MYRFL: variants seen among roughly 807,000 people sequenced by gnomAD.
The protein encoded by MYRFL is myelin regulatory factor-like protein.
Under a neutral mutation model 109.4 loss-of-function variants are expected in MYRFL, and 88 were observed. That is an observed-to-expected ratio of 0.80 (90% CI 0.68 to 0.96). MYRFL has a LOEUF of 0.96. MYRFL is among the 40% of genes least tolerant of loss of function. The probability of loss-of-function intolerance (pLI) is 0.00; values close to 1 mark genes in which losing one functional copy is unlikely to be tolerated. For missense variants in MYRFL, 957 were observed against 954.9 expected (o/e 1.00, Z -0.03); for synonymous variants, 324 against 320.9 (o/e 1.01, Z -0.10).
At chr12:69,916,918 C>T (rs1306387303) in intron 13 of MYRFL, among the ~76,000 whole-genome samples, 1 of 152,208 alleles carries the variant, frequency 6.6e-6, no homozygotes, top group African/African-American at 2.4e-5. Flanking sequence ...ACACTTTGCA[C>T]TGAAAACTCC....
intron 11 of MYRFL, among the ~76,000 whole-genome samples, chr12:69,909,714 T>C (rs58855032): frequency 0.012 from 1,828 of 152,284 alleles, 43 homozygotes; most frequent in African/African-American, 0.041. Context: ...CCTTTAATGA[T>C]GTGAGAGCAG....
At position 69,951,168 on chromosome 12, in the gene MYRFL, A is replaced by G. The variant is rs75422259; in HGVS notation, c.2225-945A>G. ...TGGAAAGGAGGGATCTGTGAGCTGC[A>G]GACCTAGTTGGGGATAGTTTCTTAG... is the stretch of plus-strand genomic sequence containing the variant. On this transcript the variant is annotated intron_variant, in intron 19 of 24. Coordinates refer to ENST00000552032, the MANE Select transcript of MYRFL (RefSeq NM_182530.3). 5.9e-5 allele frequency among the ~76,000 whole-genome samples: 9 copies of G among 152,332 alleles called. No individual in the cohort carries two copies. The East Asian group carries it at 1.7e-3, about 29-fold the overall frequency.
intron 1 of MYRFL, among the ~76,000 whole-genome samples, chr12:69,836,878 C>T (rs1216953426): frequency 6.6e-6 from 1 of 152,172 alleles, no homozygotes; most frequent in Non-Finnish European, 1.5e-5. Flanking sequence ...AAACAAAAAT[C>T]TATAGACGGC....
At chr12:69,880,985 T>G (rs1886066844) in intron 5 of MYRFL, among the ~76,000 whole-genome samples, 1 of 135,424 alleles carries the variant, frequency 7.4e-6, no homozygotes, top group African/African-American at 2.8e-5. Context: ...ATATAACGTG[T>G]AACACATCAT....
chr12:69,935,367 T>C (rs958857895), intron 16 of MYRFL, among the ~76,000 whole-genome samples: 1 of 151,834 alleles, frequency 6.6e-6, no homozygotes, highest in Middle Eastern at 3.2e-3. Context: ...ACTTTCTGTG[T>C]GACTTGTGAG....
rs539926491 is a variant in MYRFL, at chr12:69,938,740, G to A, written c.2224+2108G>A. 6.6e-5 allele frequency among the ~76,000 whole-genome samples: 10 copies of A among 152,316 alleles called. No homozygotes were observed. The South Asian group carries it at 1.5e-3, about 22-fold the overall frequency. On this transcript the variant is annotated intron_variant, in intron 19 of 24. Coordinates refer to ENST00000552032, the MANE Select transcript of MYRFL (RefSeq NM_182530.3). ...CCGGTCTACAGCTCCCAGCCTGAGC[G>A]ATGCAGAAGACGGGTGATTTCTGCA...
chr12:69,861,888 C>A (rs1481459932), intron 2 of MYRFL, among the ~76,000 whole-genome samples: 1 of 151,852 alleles, frequency 6.6e-6, no homozygotes, highest in Non-Finnish European at 1.5e-5. Flanking sequence ...TTAGGTCTAA[C>A]ATGTAAGTCT....
Position 69,896,153 on chromosome 12 carries a change from C to A in MYRFL, c.1091+672C>A, listed in dbSNP as rs536855080. Reference sequence around the variant, plus strand: ...ATACTGGCATTTACTAGGCGGGTGACCTTGGGCATATAACTTAACCTCTCT... The same window carrying A: ...ATACTGGCATTTACTAGGCGGGTGAACTTGGGCATATAACTTAACCTCTCT... On this transcript the variant is annotated intron_variant, in intron 9 of 24. Coordinates refer to ENST00000552032, the MANE Select transcript of MYRFL (RefSeq NM_182530.3). 9.9e-5 allele frequency among the ~76,000 whole-genome samples: 15 copies of A among 152,220 alleles called. No homozygotes were observed. In the South Asian group the frequency reaches 2.7e-3, roughly 27 times the overall value.
chr12:69,914,043 T>C (rs1007625763), intron 13 of MYRFL, among the ~76,000 whole-genome samples: 13 of 152,324 alleles, frequency 8.5e-5, no homozygotes, highest in African/African-American at 3.1e-4. Flanking sequence ...ACAAGAGTCT[T>C]ATTCTTTTCG....
chr12:69,930,995 C>T (rs1300641383), intron 15 of MYRFL, among the ~76,000 whole-genome samples: 1 of 152,108 alleles, frequency 6.6e-6, no homozygotes, highest in Non-Finnish European at 1.5e-5. Flanking sequence ...AGCCATTACA[C>T]TGTTCATTGG....
At chr12:69,914,713 C>G (rs1170974337) in intron 13 of MYRFL, among the ~76,000 whole-genome samples, 2 of 152,148 alleles carry the variant, frequency 1.3e-5, no homozygotes, top group African/African-American at 4.8e-5. Flanking sequence ...ACTCAGAGGT[C>G]TGGAGAGGTA....
intron 1 of MYRFL, among the ~76,000 whole-genome samples, chr12:69,846,630 C>G (rs962749671): frequency 1.3e-5 from 2 of 152,138 alleles, no homozygotes; most frequent in African/African-American, 4.8e-5. Flanking sequence ...CAAGTCTTTG[C>G]TATTGCGAAT....
intron 1 of MYRFL, among the ~76,000 whole-genome samples, chr12:69,825,793 T>C (rs1882239372): frequency 6.6e-6 from 1 of 152,110 alleles, no homozygotes; most frequent in South Asian, 2.1e-4. Flanking sequence ...GTTTGGTTGT[T>C]AGAATCAAGG....
At chr12:69,864,231 A>G (rs1884870842) in intron 2 of MYRFL, among the ~76,000 whole-genome samples, 1 of 151,846 alleles carries the variant, frequency 6.6e-6, no homozygotes, top group Non-Finnish European at 1.5e-5. Context: ...TTTAACATTT[A>G]TTTTTCTTTA....
intron 10 of MYRFL, among the ~76,000 whole-genome samples, chr12:69,902,248 T>C (rs946102609): frequency 6.6e-6 from 1 of 152,208 alleles, no homozygotes; most frequent in Non-Finnish European, 1.5e-5. Context: ...TCCAAGCAGC[T>C]CAGGGTTCAG....
At chr12:69,952,088 A>T in intron 19 of MYRFL, 25 bp from the exon 20 acceptor site, 1 of 1,535,004 alleles carries the variant, frequency 6.5e-7, no homozygotes, top group Non-Finnish European at 8.7e-7. Context: ...AGCCTTCAAG[A>T]TTGACAGACT....
chr12:69,876,565 A>G (rs1338007648), intron 2 of MYRFL, among the ~76,000 whole-genome samples: 1 of 152,112 alleles, frequency 6.6e-6, no homozygotes, highest in Non-Finnish European at 1.5e-5. Flanking sequence ...AGCCTTTCTC[A>G]AAATGTCTGG....
At chr12:69,880,158 A>G (rs1273135121) in intron 4 of MYRFL, 43 bp from the exon 5 acceptor site, 1 of 698,800 alleles carries the variant, frequency 1.4e-6, no homozygotes, top group Admixed American at 2.0e-5. Flanking sequence ...AACATGGAAC[A>G]CAAGGAAGAA....
chr12:69,943,812 A>G (rs1158606643), intron 19 of MYRFL, among the ~76,000 whole-genome samples: 1 of 151,792 alleles, frequency 6.6e-6, no homozygotes, highest in Admixed American at 6.6e-5. Flanking sequence ...TCCAGAATCT[A>G]CAATGAACTC....
Sources: allele counts gnomAD v4.1 joint callset (sites outside exome capture counted in the v4.1 genomes callset), GRCh38; gene constraint gnomAD v4.1.1; transcripts MANE v1.5; gene names NCBI Gene and HGNC (gene_info 2026-07-23, HGNC 2026-07-21).